SUFU: variants seen among roughly 807,000 people sequenced by gnomAD.
The protein encoded by SUFU is SUFU negative regulator of hedgehog signaling, also known as suppressor of fused homolog.
In SUFU, 7 loss-of-function variants were observed where a neutral mutation model predicts 58.9. The observed-to-expected ratio is 0.12, with a 90% confidence interval of 0.07 to 0.22. The LOEUF (loss-of-function observed/expected upper bound fraction) is 0.22. Ranked by LOEUF, SUFU falls within the 10% of genes least tolerant of loss-of-function variation. SUFU has a pLI of 1.00. For synonymous variants in SUFU, 232 were observed against 254.8 expected (o/e 0.91, Z 0.85); for missense variants, 451 against 641.3 (o/e 0.70, Z 3.20).
intron 8 of SUFU, among the ~76,000 whole-genome samples, chr10:102,611,580 G>T (rs1185206232): frequency 2.6e-5 from 4 of 152,192 alleles, no homozygotes; most frequent in African/African-American, 9.7e-5. Flanking sequence ...ACAAGTTTTG[G>T]TTAAGCCATT....
chr10:102,530,628 A>T (rs1343566327), intron 2 of SUFU, among the ~76,000 whole-genome samples: 1 of 150,864 alleles, frequency 6.6e-6, no homozygotes, highest in South Asian at 2.1e-4. Flanking sequence ...TAATTTTTAA[A>T]TTTTTTATAG....
At chr10:102,509,841 A>G (rs749429604) in intron 2 of SUFU, among the ~76,000 whole-genome samples, 6 of 151,450 alleles carry the variant, frequency 4.0e-5, no homozygotes, top group Non-Finnish European at 5.9e-5. Context: ...TTGTTGCCCT[A>G]TATGCTTTTT....
At chr10:102,599,628 A>G (rs1161445817) in intron 8 of SUFU, 84 bp downstream of exon 8, 2 of 1,164,328 alleles carry the variant, frequency 1.7e-6, no homozygotes, top group African/African-American at 1.5e-5. Context: ...ATGAGAGAGA[A>G]CAATGCACAT....
chr10:102,520,895 GT>G (rs2062543756), intron 2 of SUFU, among the ~76,000 whole-genome samples: 1 of 152,128 alleles, frequency 6.6e-6, no homozygotes, highest in East Asian at 1.9e-4. Context: ...ATTGCTTCCA[GT>G]ATTTTTTGGC....
At chr10:102,626,028 T>C (rs966035596) in intron 10 of SUFU, among the ~76,000 whole-genome samples, 17 of 152,210 alleles carry the variant, frequency 1.1e-4, no homozygotes, top group Non-Finnish European at 2.9e-5. Flanking sequence ...CCCATTATCT[T>C]TCTTCCTTTG....
chr10:102,561,255 G>A (rs1037898776), intron 3 of SUFU, among the ~76,000 whole-genome samples: 2 of 152,196 alleles, frequency 1.3e-5, no homozygotes, highest in African/African-American at 4.8e-5. Context: ...TTAAAGTGAG[G>A]AGGAATTAGA....
chr10:102,567,112 T>G (rs567308400), intron 3 of SUFU, among the ~76,000 whole-genome samples: 1 of 139,034 alleles, frequency 7.2e-6, no homozygotes, highest in South Asian at 2.6e-4. Flanking sequence ...CCCGGGTTCA[T>G]GCCATTCTCC....
chr10:102,583,975 C>G (rs540002525), intron 3 of SUFU, among the ~76,000 whole-genome samples: 1 of 152,270 alleles, frequency 6.6e-6, no homozygotes, highest in East Asian at 1.9e-4. Flanking sequence ...TTTCTTAAAC[C>G]AGGAGCAATG....
rs2062380497 is a variant in SUFU, at chr10:102,510,018, T to G, written c.317+715T>G. 2.0e-5 allele frequency among the ~76,000 whole-genome samples: 3 copies of G among 151,904 alleles called. No homozygotes were observed. In the South Asian group the frequency reaches 6.2e-4, roughly 32 times the overall value. ...CATGCCCAGCTAATTTTTGTAATTT[T>G]TTTGTAGAGACAGGGTTTCACCATG... On this transcript the variant is annotated intron_variant, in intron 2 of 11. Transcript: ENST00000369902.
chr10:102,536,884 C>T (rs1473624930), intron 2 of SUFU, among the ~76,000 whole-genome samples: 2 of 151,898 alleles, frequency 1.3e-5, no homozygotes, highest in Non-Finnish European at 2.9e-5. Context: ...GATCTTAGCT[C>T]ACGGCAACTT....
intron 3 of SUFU, among the ~76,000 whole-genome samples, chr10:102,570,699 T>G (rs2063151273): frequency 1.3e-5 from 2 of 152,170 alleles, no homozygotes; most frequent in South Asian, 4.1e-4. Context: ...CCATAAGTAC[T>G]ATAGCTGTGC....
chr10:102,517,666 A>G (rs1479352845), intron 2 of SUFU, among the ~76,000 whole-genome samples: 1 of 152,228 alleles, frequency 6.6e-6, no homozygotes, highest in South Asian at 2.1e-4. Context: ...CTTGCCTCTG[A>G]GGTATTCAGT....
At position 102,617,302 on chromosome 10, in the gene SUFU, G is replaced by T. The variant is rs1256093127; in HGVS notation, c.1170G>T (p.Leu390=). 2 of 1,614,230 alleles carry T rather than the reference G, an allele frequency of 1.2e-6. No individual in the cohort carries two copies. Among genetic ancestry groups the T allele is most frequent in the South Asian group, 2.2e-5 (2 of 91,088 alleles). The part of the protein sequence containing the change: ...LIPLCLRGRL[L]HGRHFTYKSI... ...TTCCCATCTCCAGGGGCAGGCTCCT[G>T]CATGGACGGCACTTTACATATAAAA... Residue 390 remains leucine (L), a synonymous_variant, in exon 10 of 12, where the codon CTG becomes CTT. Transcript: ENST00000369902. The surrounding 1 kb of genome is among the most constrained non-coding windows in gnomAD (Gnocchi z 4.4).
At chr10:102,595,396 C>A (rs898611212) in intron 6 of SUFU, among the ~76,000 whole-genome samples, 6 of 152,194 alleles carry the variant, frequency 3.9e-5, no homozygotes, top group Admixed American at 3.9e-4. Flanking sequence ...AACTTGGTTT[C>A]CTTGTATCTT....
chr10:102,557,306 G>A (rs1590026566), intron 3 of SUFU, among the ~76,000 whole-genome samples: 1 of 151,980 alleles, frequency 6.6e-6, no homozygotes, highest in South Asian at 2.1e-4. Flanking sequence ...GGCCAGGCGT[G>A]GTGGCTCACA....
In SUFU at chr10:102,599,556, A is replaced by G. The variant is rs2063496960; in HGVS notation, c.1022+12A>G. The G allele has an allele frequency of 6.2e-7, 1 of 1,612,128 alleles. No individual in the cohort carries two copies. Among genetic ancestry groups the G allele is most frequent in the African/African-American group, 1.3e-5 (1 of 74,880 alleles). ...CACGACCGGGCCCCGTAAGTTCCCC[A>G]GTGTCCCTGGGCTGGAACAAGAGGA... On this transcript the variant is annotated intron_variant, in intron 8 of 11. Transcript: ENST00000369902.
chr10:102,614,321 CG>C (rs1285475084), intron 8 of SUFU, among the ~76,000 whole-genome samples: 8 of 151,214 alleles, frequency 5.3e-5, no homozygotes, highest in Middle Eastern at 3.5e-3. Context: ...TTTGGGAGGC[CG>C]AGGTAGGCAG....
chr10:102,608,914 A>C (rs952239629), intron 8 of SUFU, among the ~76,000 whole-genome samples: 1 of 152,200 alleles, frequency 6.6e-6, no homozygotes, highest in African/African-American at 2.4e-5. Context: ...GGCTTCTCTT[A>C]AATTAAAATT....
At chr10:102,524,652 C>T (rs1464191368) in intron 2 of SUFU, among the ~76,000 whole-genome samples, 4 of 152,146 alleles carry the variant, frequency 2.6e-5, no homozygotes, top group Non-Finnish European at 4.4e-5. Flanking sequence ...ATCACTTCTG[C>T]GATGTCTATT....
Sources: allele counts gnomAD v4.1 joint callset (sites outside exome capture counted in the v4.1 genomes callset), GRCh38; gene constraint gnomAD v4.1.1; non-coding constraint Gnocchi (gnomAD v3.1); transcripts MANE v1.5; gene names NCBI Gene and HGNC (gene_info 2026-07-23, HGNC 2026-07-21).